TRAK1: variants seen among roughly 807,000 people sequenced by gnomAD.
TRAK1 encodes the protein trafficking kinesin-binding protein 1.
A neutral mutation model predicts 92.1 loss-of-function variants in TRAK1; 33 were observed. The ratio of observed to expected loss-of-function variants is 0.36; its 90% CI spans 0.27 to 0.48. The LOEUF (loss-of-function observed/expected upper bound fraction) is 0.48, where lower values mean the gene tolerates loss of function less well. Ranked by LOEUF, TRAK1 falls within the 20% of genes least tolerant of loss-of-function variation. The pLI is 0.99. For synonymous variants in TRAK1, 521 were observed against 517.3 expected (o/e 1.01, Z -0.10); for missense variants, 1,123 against 1,257.9 (o/e 0.89, Z 1.62).
chr3:42,062,827 C>T (rs1261395777), intron 1 of TRAK1, among the ~76,000 whole-genome samples: 6 of 152,162 alleles, frequency 3.9e-5, no homozygotes, highest in African/African-American at 1.4e-4. Flanking sequence ...GTGGGACTTC[C>T]CTACAGCCCC....
At chr3:42,164,874 CAG>C (rs748247396) in intron 2 of TRAK1, among the ~76,000 whole-genome samples, 2 of 152,228 alleles carry the variant, frequency 1.3e-5, no homozygotes, top group Non-Finnish European at 2.9e-5. Flanking sequence ...CGCCCTGTCT[CAG>C]TGCCTGGGCA....
intron 2 of TRAK1, among the ~76,000 whole-genome samples, chr3:42,169,177 A>G (rs1261366684): frequency 6.6e-6 from 1 of 150,388 alleles, no homozygotes; most frequent in Non-Finnish European, 1.5e-5. Flanking sequence ...ATCTATCTCT[A>G]TAATTTTCCT....
chr3:42,058,777 A>C (rs948368749), intron 1 of TRAK1, among the ~76,000 whole-genome samples: 2 of 152,196 alleles, frequency 1.3e-5, no homozygotes, highest in African/African-American at 2.4e-5. Context: ...ACCCCCACAC[A>C]CAACAGATCG....
At chr3:42,140,742 G>T (rs1698541131) in intron 2 of TRAK1, among the ~76,000 whole-genome samples, 1 of 152,256 alleles carries the variant, frequency 6.6e-6, no homozygotes, top group African/African-American at 2.4e-5. Context: ...TGTCTTTCAT[G>T]TGAGTCCTAT....
chr3:42,079,936 A>T (rs1028532083), intron 1 of TRAK1, among the ~76,000 whole-genome samples: 2 of 152,100 alleles, frequency 1.3e-5, no homozygotes, highest in Non-Finnish European at 2.9e-5. Context: ...GGAGTGGAGA[A>T]GGACTTACCA....
At chr3:42,076,477 C>T (rs1458990148) in intron 1 of TRAK1, among the ~76,000 whole-genome samples, 5 of 152,016 alleles carry the variant, frequency 3.3e-5, no homozygotes, top group Admixed American at 2.0e-4. Context: ...CCACCCGCCT[C>T]GGCTTCCCAA....
intron 1 of TRAK1, among the ~76,000 whole-genome samples, chr3:42,099,149 G>C (rs1006820075): frequency 2.0e-5 from 3 of 152,160 alleles, no homozygotes; most frequent in African/African-American, 7.2e-5. Context: ...CCAGACTTGA[G>C]AGCTGGGGAG....
intron 3 of TRAK1, among the ~76,000 whole-genome samples, chr3:42,183,635 C>T (rs753035973): frequency 1.3e-5 from 2 of 151,838 alleles, no homozygotes; most frequent in African/African-American, 2.4e-5. Context: ...TGCCTGGGAC[C>T]GTGTGGGTAG....
In TRAK1 at chr3:42,209,870, T is replaced by A. The variant is rs1363601036; in HGVS notation, c.1848T>A (p.Asp616Glu). 6.2e-7 allele frequency: 1 copy of A among 1,614,084 alleles called. No homozygotes were observed. Among genetic ancestry groups the A allele is most frequent in the African/African-American group, 1.3e-5 (1 of 74,928 alleles). The change falls in exon 14 of 16, where the codon GAT (aspartate) becomes GAA (glutamate). Residue 616 changes from aspartate to glutamate, a missense_variant. Around this residue, in one of 3 missense-constraint regions of TRAK1, gnomAD observed 36 missense variants for 71.3 expected, o/e 0.50. Coordinates refer to ENST00000327628, the MANE Select transcript of TRAK1 (RefSeq NM_001042646.3). Reference sequence around the variant, plus strand: ...TCACCAAGGGCTTCCGGACGCTGGATGTTGACCTGGACGAAGTGTACTGCC... The same window carrying A: ...TCACCAAGGGCTTCCGGACGCTGGAAGTTGACCTGGACGAAGTGTACTGCC... ...GVVTKGFRTLDVDLDEVYCLN... is the reference protein window; with the variant it reads ...GVVTKGFRTLEVDLDEVYCLN...
At chr3:42,133,806 A>G (rs1020617298) in intron 2 of TRAK1, among the ~76,000 whole-genome samples, 20 of 152,218 alleles carry the variant, frequency 1.3e-4, no homozygotes, top group Middle Eastern at 3.4e-3. Context: ...TGTTTAAACA[A>G]TTTTTCAAAT....
chr3:42,105,535 A>G (rs183125091), intron 1 of TRAK1, among the ~76,000 whole-genome samples: 116 of 152,344 alleles, frequency 7.6e-4, no homozygotes, highest in African/African-American at 2.7e-3. Context: ...GACCAAATCT[A>G]CGTCTGATTG....
intron 1 of TRAK1, among the ~76,000 whole-genome samples, chr3:42,118,201 C>T (rs1195817711): frequency 2.0e-5 from 3 of 152,136 alleles, no homozygotes; most frequent in African/African-American, 4.8e-5. Context: ...CTTCCTGCTT[C>T]AGCCTCCCAA....
At chr3:42,092,644 A>G (rs1035319100) in intron 1 of TRAK1, among the ~76,000 whole-genome samples, 3 of 151,242 alleles carry the variant, frequency 2.0e-5, no homozygotes, top group African/African-American at 7.3e-5. Context: ...AGGACTCTTC[A>G]TCAAAGGGCC....
chr3:42,123,176 C>G (rs1710116334), intron 1 of TRAK1, among the ~76,000 whole-genome samples: 1 of 152,142 alleles, frequency 6.6e-6, no homozygotes. Flanking sequence ...AGTCATAACT[C>G]TACGTTCTCT....
chr3:42,191,208 G>A (rs564903247), intron 6 of TRAK1, among the ~76,000 whole-genome samples: 26 of 152,272 alleles, frequency 1.7e-4, no homozygotes, highest in Admixed American at 1.4e-3. Context: ...GGGTCACAGA[G>A]CATCCATATT....
At chr3:42,129,646 C>T (rs1234395527) in intron 2 of TRAK1, among the ~76,000 whole-genome samples, 1 of 152,152 alleles carries the variant, frequency 6.6e-6, no homozygotes, top group African/African-American at 2.4e-5. Flanking sequence ...ATACCCACAA[C>T]GATGGGACAT....
At position 42,201,964 on chromosome 3, in the gene TRAK1, C is replaced by T. The variant is rs78747533; in HGVS notation, c.1428-472C>T. Among the ~76,000 whole-genome samples, 505 of 151,702 alleles carry T rather than the reference C, an allele frequency of 3.3e-3. 2 individuals carry two copies. Among genetic ancestry groups the T allele is most frequent in the Non-Finnish European group, 5.2e-3 (353 of 67,918 alleles). ...TACTTTGTGCATCCTTTTCCTCTGA[C>T]TTAATAAAATTGATTCTTCCGGACC... On this transcript the variant is annotated intron_variant, in intron 12 of 15. Transcript: ENST00000327628.
chr3:42,194,520 G>A (rs972970512), intron 9 of TRAK1, among the ~76,000 whole-genome samples: 22 of 152,130 alleles, frequency 1.4e-4, no homozygotes, highest in Admixed American at 1.4e-3. Flanking sequence ...ACAGCTGTAA[G>A]CCATCATTCC....
intron 1 of TRAK1, among the ~76,000 whole-genome samples, chr3:42,044,236 C>G (rs1702670991): frequency 6.6e-6 from 1 of 152,230 alleles, no homozygotes; most frequent in Non-Finnish European, 1.5e-5. Flanking sequence ...TCACAGCTCA[C>G]TGCAACCTCT....
Sources: allele counts gnomAD v4.1 joint callset (sites outside exome capture counted in the v4.1 genomes callset), GRCh38; gene constraint gnomAD v4.1.1; regional missense constraint gnomAD v4.1.1; transcripts MANE v1.5; gene names NCBI Gene and HGNC (gene_info 2026-07-23, HGNC 2026-07-21).